AGBL2: variants seen among roughly 807,000 people sequenced by gnomAD.
AGBL2 encodes the protein cytosolic carboxypeptidase 2.
A neutral mutation model predicts 103.0 loss-of-function variants in AGBL2; 87 were observed. The ratio of observed to expected loss-of-function variants is 0.84; its 90% CI spans 0.71 to 1.01. The LOEUF (loss-of-function observed/expected upper bound fraction) is 1.01. Among genes scored for constraint, AGBL2 ranks in the 50% least tolerant of loss-of-function variants. AGBL2 has a pLI of 0.00. For missense variants in AGBL2, 904 were observed against 1,023.5 expected (o/e 0.88, Z 1.59); for synonymous variants, 335 against 356.7 (o/e 0.94, Z 0.69).
At chr11:47,701,798 C>A (rs1191521040) in intron 7 of AGBL2, among the ~76,000 whole-genome samples, 1 of 151,942 alleles carries the variant, frequency 6.6e-6, no homozygotes, top group African/African-American at 2.4e-5. Flanking sequence ...CATGGTGAAA[C>A]CCCGTCTCTA....
intron 15 of AGBL2, 93 bp downstream of exon 15, chr11:47,668,748 C>T: frequency 1.0e-6 from 1 of 965,678 alleles, no homozygotes; most frequent in Non-Finnish European, 1.7e-6. Context: ...TTCTGCAGGT[C>T]TTAGGACTGT....
Position 47,667,557 on chromosome 11 carries a change from C to A in AGBL2, c.2340+14G>T, listed in dbSNP as rs1421798393. The A allele has an allele frequency of 1.9e-6, 3 of 1,612,522 alleles. No individual in the cohort carries two copies. The highest frequency in any genetic ancestry group is 1.7e-6 in the Non-Finnish European group (2 of 1,179,668). On this transcript the variant is annotated intron_variant, in intron 16 of 18. Transcript: ENST00000525123. ...GAAACTAGACAGTAGAAATAGCCAG[C>A]AAGTCTTTCTTACTGAGGTATCTTC...
intron 8 of AGBL2, among the ~76,000 whole-genome samples, chr11:47,695,021 G>T (rs1042572651): frequency 1.3e-5 from 2 of 152,132 alleles, no homozygotes; most frequent in African/African-American, 4.8e-5. Context: ...GTGATGGCGG[G>T]TGCCTGTAAT....
At chr11:47,681,742 G>C (rs755813900) in intron 12 of AGBL2, among the ~76,000 whole-genome samples, 1 of 152,216 alleles carries the variant, frequency 6.6e-6, no homozygotes, top group African/African-American at 2.4e-5. Context: ...ACAGGCGTGA[G>C]CCACTGCGCC....
At chr11:47,667,362 G>A (rs899803809) in intron 16 of AGBL2, among the ~76,000 whole-genome samples, 11 of 152,196 alleles carry the variant, frequency 7.2e-5, no homozygotes, top group Non-Finnish European at 1.5e-4. Context: ...ATGCCAGAGT[G>A]TAGGAGAGGT....
chr11:47,711,293 G>A (rs2097535759), intron 3 of AGBL2, among the ~76,000 whole-genome samples: 1 of 152,004 alleles, frequency 6.6e-6, no homozygotes, highest in African/African-American at 2.4e-5. Context: ...CACCGAAGAG[G>A]AGACTAAAAA....
At chr11:47,710,847 C>A (rs1375750267) in intron 3 of AGBL2, 1 of 463,154 alleles carries the variant, frequency 2.2e-6, no homozygotes, top group East Asian at 6.7e-5. Flanking sequence ...GGGAGGGTTG[C>A]TTGAGCCTGG....
intron 7 of AGBL2, among the ~76,000 whole-genome samples, chr11:47,703,972 G>C (rs1012254342): frequency 6.7e-6 from 1 of 150,322 alleles, no homozygotes; most frequent in Non-Finnish European, 1.5e-5. Flanking sequence ...GTGGTGGCCA[G>C]GCATCTGTAA....
intron 3 of AGBL2, among the ~76,000 whole-genome samples, chr11:47,711,586 T>TGCAGTAGCGCAATCTCA: frequency 6.6e-6 from 1 of 152,300 alleles, no homozygotes; most frequent in Admixed American, 6.5e-5. Flanking sequence ...CAATCTGGAG[T>TGCAGTAGCGCAATCTCA]GCAGTAGCGC....
intron 3 of AGBL2, among the ~76,000 whole-genome samples, chr11:47,711,978 T>C (rs954425694): frequency 6.6e-6 from 1 of 152,072 alleles, no homozygotes; most frequent in African/African-American, 2.4e-5. Context: ...AGTTGGGAGG[T>C]AGGAGGATCG....
intron 7 of AGBL2, among the ~76,000 whole-genome samples, chr11:47,702,674 G>A (rs970003551): frequency 4.6e-5 from 7 of 152,052 alleles, no homozygotes; most frequent in Admixed American, 2.6e-4. Context: ...AGGAGTTCGA[G>A]ACCAGCCTGA....
At chr11:47,713,630 C>A (rs2097541998) in intron 3 of AGBL2, among the ~76,000 whole-genome samples, 1 of 150,336 alleles carries the variant, frequency 6.7e-6, no homozygotes, top group Admixed American at 6.7e-5. Context: ...ACTCTGTCGC[C>A]CAGGCTGGAG....
chr11:47,667,647 T>C lies in AGBL2; in HGVS notation c.2264A>G (p.Gln755Arg). The change falls in exon 16 of 19, where the codon CAG (glutamine) becomes CGG (arginine). Residue 755 changes from glutamine (Q) to arginine (R), a missense_variant. Coordinates refer to ENST00000525123, the MANE Select transcript of AGBL2 (RefSeq NM_024783.4). ...MFKKKKKKSL[Q>R]TRKQRNEQYQ... ...CTGCTCATTTCGCTGTTTCCTAGTCTGAAGTGACTTCTTTTTTTTCTTCTT... is the reference window on the plus strand; with the variant it reads ...CTGCTCATTTCGCTGTTTCCTAGTCCGAAGTGACTTCTTTTTTTTCTTCTT... 2 of 1,613,564 alleles carry C rather than the reference T, an allele frequency of 1.2e-6. No homozygotes were observed.
chr11:47,681,832 C>A, intron 12 of AGBL2, 137 bp downstream of exon 12: 1 of 1,099,738 alleles, frequency 9.1e-7, no homozygotes, highest in East Asian at 2.5e-5. Context: ...GTTGGGCACT[C>A]AAATTTAGCA....
intron 12 of AGBL2, among the ~76,000 whole-genome samples, chr11:47,680,310 C>T (rs1301750668): frequency 6.6e-6 from 1 of 151,814 alleles, no homozygotes; most frequent in African/African-American, 2.4e-5. Context: ...GAAAATTAGC[C>T]GGGCGTGGTG....
chr11:47,685,779 T>C, intron 11 of AGBL2, 114 bp downstream of exon 11: 1 of 1,210,630 alleles, frequency 8.3e-7, no homozygotes, highest in Non-Finnish European at 1.2e-6. Context: ...GTTGCTCGGA[T>C]TTACCAAAGA....
chr11:47,675,737 G>A (rs1023164410), intron 14 of AGBL2, among the ~76,000 whole-genome samples: 5 of 152,034 alleles, frequency 3.3e-5, no homozygotes, highest in South Asian at 2.1e-4. Context: ...TGGGCATGGT[G>A]TCTCACGCTT....
At chr11:47,678,643 T>C (rs772423435) in intron 13 of AGBL2, among the ~76,000 whole-genome samples, 26 of 150,986 alleles carry the variant, frequency 1.7e-4, no homozygotes, top group Non-Finnish European at 3.1e-4. Context: ...CTGATGATGA[T>C]TATTATTAGT....
At chr11:47,707,376 C>T (rs1455854329) in intron 4 of AGBL2, among the ~76,000 whole-genome samples, 1 of 152,188 alleles carries the variant, frequency 6.6e-6, no homozygotes, top group African/African-American at 2.4e-5. Context: ...AATGGACTTA[C>T]ACTTCCACGT....
Sources: allele counts gnomAD v4.1 joint callset (sites outside exome capture counted in the v4.1 genomes callset), GRCh38; gene constraint gnomAD v4.1.1; transcripts MANE v1.5; gene names NCBI Gene and HGNC (gene_info 2026-07-23, HGNC 2026-07-21).